GRM5: variants seen among roughly 807,000 people sequenced by gnomAD.
GRM5 encodes the protein glutamate metabotropic receptor 5.
A neutral mutation model predicts 83.1 loss-of-function variants in GRM5; 19 were observed. The observed-to-expected ratio is 0.23, with a 90% CI of 0.16 to 0.34. The LOEUF (loss-of-function observed/expected upper bound fraction) is 0.34, where lower values mean the gene tolerates loss of function less well. GRM5 is among the 10% of genes least tolerant of loss of function. The pLI, the probability that GRM5 is intolerant of heterozygous loss-of-function variation, is 1.00. For synonymous variants in GRM5, 675 were observed against 633.6 expected, an observed-to-expected ratio of 1.07 and a Z score of -0.98; for missense variants, 1,160 against 1,588.3, an observed-to-expected ratio of 0.73 and a Z score of 4.58.
intron 3 of GRM5, among the ~76,000 whole-genome samples, chr11:88,729,375 A>T (rs1031856688): frequency 6.6e-6 from 1 of 151,490 alleles, no homozygotes; most frequent in Non-Finnish European, 1.5e-5. Context: ...AAAAAAAAAT[A>T]AGAGGACACA....
chr11:88,781,127 G>GTATATA (rs59273026), intron 3 of GRM5, among the ~76,000 whole-genome samples: 1 of 145,412 alleles, frequency 6.9e-6, no homozygotes, highest in Admixed American at 6.9e-5. Context: ...ACATATATAT[G>GTATATA]TATATATATA....
At chr11:88,966,498 T>A (rs1198164474) in intron 2 of GRM5, among the ~76,000 whole-genome samples, 1 of 152,126 alleles carries the variant, frequency 6.6e-6, no homozygotes, top group Non-Finnish European at 1.5e-5. Context: ...AGGAATTGAA[T>A]AAGGGACATC....
intron 2 of GRM5, among the ~76,000 whole-genome samples, chr11:88,883,754 C>T (rs565503956): frequency 1.3e-5 from 2 of 152,234 alleles, no homozygotes; most frequent in Admixed American, 6.5e-5. Context: ...GACCCCAGGG[C>T]CCACTTGCTG....
rs1945516381 is a variant in GRM5 at position 88,912,507 on chromosome 11, T to C, written c.662-62352A>G. On this transcript the variant is annotated intron_variant, in intron 2 of 9. Coordinates refer to ENST00000305447, the MANE Select transcript of GRM5 (RefSeq NM_001143831.3). ...CACTTTTGCCATGGAGATCATTATA[T>C]ACTGTGTATGTATATGCATGCATGT... Among the ~76,000 whole-genome samples, 2 of 145,756 alleles carry C rather than the reference T, an allele frequency of 1.4e-5. 1 individual carries two copies. Among genetic ancestry groups the C allele is most frequent in the South Asian group, 4.5e-4 (2 of 4,450 alleles).
At chr11:89,039,269 T>A (rs202096894) in intron 2 of GRM5, among the ~76,000 whole-genome samples, 9 of 145,170 alleles carry the variant, frequency 6.2e-5, no homozygotes, top group East Asian at 2.0e-4. Flanking sequence ...CGTTTCAAAA[T>A]AAAAAAAAAA....
At chr11:88,800,410 G>T (rs542513254) in intron 3 of GRM5, among the ~76,000 whole-genome samples, 1 of 123,602 alleles carries the variant, frequency 8.1e-6, no homozygotes, top group African/African-American at 3.8e-5. Context: ...TGGTTCTACA[G>T]TACTTAAAAA....
At chr11:89,057,809 C>T (rs1477569277) in intron 1 of GRM5, among the ~76,000 whole-genome samples, 3 of 152,160 alleles carry the variant, frequency 2.0e-5, no homozygotes, top group Non-Finnish European at 4.4e-5. Context: ...ATTTCTATAA[C>T]ATGATCTCCA....
chr11:88,680,106 G>A (rs1189060279), intron 3 of GRM5, among the ~76,000 whole-genome samples: 2 of 152,084 alleles, frequency 1.3e-5, no homozygotes, highest in African/African-American at 4.8e-5. Flanking sequence ...TATACTTTAA[G>A]TTCTAGGGTA....
intron 4 of GRM5, among the ~76,000 whole-genome samples, chr11:88,627,229 G>C (rs1321352943): frequency 1.3e-5 from 2 of 152,196 alleles, no homozygotes; most frequent in Non-Finnish European, 2.9e-5. Context: ...AAATGCCAAA[G>C]CTTGTACAAA....
intron 6 of GRM5, among the ~76,000 whole-genome samples, chr11:88,593,768 C>T (rs2933183): frequency 0.52 from 74,913 of 144,946 alleles, 23,275 homozygotes; most frequent in South Asian, 0.77. Context: ...CTCCTTCTCT[C>T]TCTCTCTCTC....
chr11:88,952,624 G>A (rs1938499884), intron 2 of GRM5, among the ~76,000 whole-genome samples: 1 of 23,224 alleles, frequency 4.3e-5, no homozygotes, highest in South Asian at 1.9e-3. Context: ...TGCAGAAAGA[G>A]AGCTTTTTTT....
chr11:88,507,709 A>C lies in GRM5; in HGVS notation c.*883T>G, dbSNP rs1212664002. The C allele has an allele frequency of 1.3e-5, 2 of 152,512 alleles. No homozygotes were observed. Among genetic ancestry groups the C allele is most frequent in the African/African-American group, 4.8e-5 (2 of 41,464 alleles). 9.4% of individuals were successfully genotyped at this position (152,512 alleles called of 1,614,324 possible). On this transcript the variant is annotated 3_prime_UTR_variant, in exon 10 of 10. Transcript: ENST00000305447. Reference sequence around the variant, plus strand: ...GAAAGAGATAGCCAGGCTGGAGCTCAAGAATGATTTTTATAAAGAGAATTT... The same window carrying C: ...GAAAGAGATAGCCAGGCTGGAGCTCCAGAATGATTTTTATAAAGAGAATTT...
chr11:88,702,857 C>A (rs138007316), intron 3 of GRM5, among the ~76,000 whole-genome samples: 1 of 152,160 alleles, frequency 6.6e-6, no homozygotes, highest in Non-Finnish European at 1.5e-5. Flanking sequence ...TGAGGTCAAC[C>A]ATCTGTAGGT....
chr11:88,910,240 T>C (rs992022421), intron 2 of GRM5, among the ~76,000 whole-genome samples: 6 of 152,126 alleles, frequency 3.9e-5, no homozygotes, highest in African/African-American at 1.4e-4. Context: ...TTGTGGCATG[T>C]ATCAGACTTC....
intron 2 of GRM5, among the ~76,000 whole-genome samples, chr11:88,905,659 CG>C (rs1945391205): frequency 6.6e-6 from 1 of 151,954 alleles, no homozygotes; most frequent in Non-Finnish European, 1.5e-5. Context: ...CTTTATTAAA[CG>C]GGGTAGGACC....
At chr11:88,886,357 A>T (rs1284242942) in intron 2 of GRM5, among the ~76,000 whole-genome samples, 1 of 152,192 alleles carries the variant, frequency 6.6e-6, no homozygotes, top group Non-Finnish European at 1.5e-5. Context: ...TGGTGAGTAG[A>T]GGAGCAGACT....
At chr11:88,883,427 A>T (rs1441823830) in intron 2 of GRM5, among the ~76,000 whole-genome samples, 1 of 152,146 alleles carries the variant, frequency 6.6e-6, no homozygotes, top group African/African-American at 2.4e-5. Context: ...TGCTTTAGAG[A>T]TCTGTGGAAC....
At chr11:88,558,358 G>T (rs1352024375) in intron 8 of GRM5, among the ~76,000 whole-genome samples, 2 of 152,044 alleles carry the variant, frequency 1.3e-5, no homozygotes, top group African/African-American at 4.8e-5. Context: ...ACTGCTTTTG[G>T]GAGCTGTCAT....
At chr11:89,043,573 A>ATTTT (rs369706887) in intron 2 of GRM5, among the ~76,000 whole-genome samples, 55 of 140,002 alleles carry the variant, frequency 3.9e-4, no homozygotes, top group African/African-American at 1.3e-3. Flanking sequence ...AATGCATGTT[A>ATTTT]TTTTTTTTTT....
Sources: allele counts gnomAD v4.1 joint callset (sites outside exome capture counted in the v4.1 genomes callset), GRCh38; gene constraint gnomAD v4.1.1; transcripts MANE v1.5; gene names NCBI Gene and HGNC (gene_info 2026-07-23, HGNC 2026-07-21).